CAMKMT: variants seen among roughly 807,000 people sequenced by gnomAD.
CAMKMT encodes calmodulin-lysine N-methyltransferase.
CAMKMT carries 53 observed loss-of-function variants against 48.0 expected under a neutral mutation model. That is an observed-to-expected ratio of 1.10 (90% CI 0.89 to 1.39). The LOEUF is 1.39. Ranked by LOEUF, CAMKMT falls within the 40% of genes most tolerant of loss-of-function variation. CAMKMT has a pLI of 0.00. For missense variants in CAMKMT, 428 were observed against 402.7 expected (o/e 1.06, Z -0.54); for synonymous variants, 165 against 152.3 (o/e 1.08, Z -0.61).
chr2:44,554,613 A>C (rs894073344), intron 3 of CAMKMT, among the ~76,000 whole-genome samples: 2 of 152,120 alleles, frequency 1.3e-5, no homozygotes, highest in Non-Finnish European at 2.9e-5. Context: ...GTACATGCCT[A>C]TAGTCCCAGT....
intron 3 of CAMKMT, among the ~76,000 whole-genome samples, chr2:44,483,028 A>G (rs2603258): frequency 4.6e-5 from 7 of 152,204 alleles, no homozygotes; most frequent in East Asian, 1.9e-4. Context: ...GTGCTGTCCA[A>G]TGGAATCAAC....
chr2:44,647,922 A>G (rs931564141), intron 3 of CAMKMT, among the ~76,000 whole-genome samples: 4 of 150,598 alleles, frequency 2.7e-5, no homozygotes, highest in Non-Finnish European at 5.9e-5. Flanking sequence ...AAAAAAAAAA[A>G]AAAAAAAAAG....
At chr2:44,555,850 T>A (rs1397270901) in intron 3 of CAMKMT, among the ~76,000 whole-genome samples, 1 of 151,952 alleles carries the variant, frequency 6.6e-6, no homozygotes, top group East Asian at 1.9e-4. Flanking sequence ...GAGCTTTTGG[T>A]TAGGATGGGG....
At chr2:44,383,562 G>A (rs540357756) in intron 2 of CAMKMT, among the ~76,000 whole-genome samples, 3 of 152,196 alleles carry the variant, frequency 2.0e-5, no homozygotes, top group Admixed American at 6.5e-5. Flanking sequence ...GTGGTGTTCT[G>A]TGAGATTTTG....
chr2:44,628,722 T>A (rs1558755766), intron 3 of CAMKMT, among the ~76,000 whole-genome samples: 1 of 152,160 alleles, frequency 6.6e-6, no homozygotes, highest in Non-Finnish European at 1.5e-5. Context: ...ATGCTATATT[T>A]TAATTTGGTT....
intron 3 of CAMKMT, among the ~76,000 whole-genome samples, chr2:44,511,367 C>T (rs1670542060): frequency 6.6e-6 from 1 of 152,206 alleles, no homozygotes; most frequent in South Asian, 2.1e-4. Flanking sequence ...CGGCTCACTG[C>T]AACCTCCGCC....
intron 3 of CAMKMT, among the ~76,000 whole-genome samples, chr2:44,445,644 A>AGTTTT (rs758682634): frequency 1.0e-4 from 3 of 29,174 alleles, no homozygotes; most frequent in African/African-American, 2.9e-4. Context: ...GCAAAAGGGT[A>AGTTTT]GTTTTTTTTT....
At chr2:44,501,312 A>G (rs1208900522) in intron 3 of CAMKMT, among the ~76,000 whole-genome samples, 1 of 151,914 alleles carries the variant, frequency 6.6e-6, no homozygotes, top group Non-Finnish European at 1.5e-5. Flanking sequence ...AAGCATTGAC[A>G]CTCTATTGCT....
intron 2 of CAMKMT, among the ~76,000 whole-genome samples, chr2:44,373,222 A>G: frequency 6.6e-6 from 1 of 152,250 alleles, no homozygotes; most frequent in East Asian, 1.9e-4. Flanking sequence ...AAGTGAAAAC[A>G]GAATTTTTCC....
intron 8 of CAMKMT, among the ~76,000 whole-genome samples, chr2:44,753,298 A>G (rs1261509613): frequency 6.7e-6 from 1 of 149,828 alleles, no homozygotes; most frequent in African/African-American, 2.5e-5. Context: ...ATGGTGGTGC[A>G]CAACTGTAGT....
intron 3 of CAMKMT, among the ~76,000 whole-genome samples, chr2:44,688,469 T>A (rs775015231): frequency 1.3e-4 from 19 of 151,842 alleles, no homozygotes; most frequent in Admixed American, 5.3e-4. Flanking sequence ...CCAGCTCTCA[T>A]ACATATATAT....
At chr2:44,626,814 G>A (rs922643708) in intron 3 of CAMKMT, among the ~76,000 whole-genome samples, 1 of 152,124 alleles carries the variant, frequency 6.6e-6, no homozygotes, top group African/African-American at 2.4e-5. Flanking sequence ...ACCATGTCCT[G>A]TATGAATAAA....
intron 3 of CAMKMT, among the ~76,000 whole-genome samples, chr2:44,512,656 T>C (rs1177947692): frequency 1.3e-5 from 2 of 152,246 alleles, no homozygotes; most frequent in Non-Finnish European, 2.9e-5. Flanking sequence ...TTCTTCTCTA[T>C]TGGAAGGCCA....
intron 3 of CAMKMT, among the ~76,000 whole-genome samples, chr2:44,460,521 CT>C (rs1667793113): frequency 6.6e-6 from 1 of 152,022 alleles, no homozygotes; most frequent in Non-Finnish European, 1.5e-5. Flanking sequence ...AGTTCAAATT[CT>C]GTTGAATTCA....
chr2:44,743,441 A>G (rs1295371451), intron 7 of CAMKMT, among the ~76,000 whole-genome samples, 181 bp from the exon 8 acceptor site: 1 of 152,196 alleles, frequency 6.6e-6, no homozygotes, highest in Admixed American at 6.5e-5. Flanking sequence ...CTTCTTCTAG[A>G]TTTGAATACT....
In CAMKMT at chr2:44,528,162, AT is replaced by A. The variant is rs1273288220; in HGVS notation, c.376+137859del. Among the ~76,000 whole-genome samples the A allele has an allele frequency of 7.9e-5, 12 of 152,092 alleles. No homozygotes were observed. In the East Asian group the frequency reaches 2.3e-3, roughly 29 times the overall value. On this transcript the variant is annotated intron_variant, in intron 3 of 10. Transcript: ENST00000378494. The stretch of plus-strand genomic sequence containing the variant: ...ATTTGTCCCTTTCTTTCTTTTGTTG[AT>A]TGTCATAAATATAAGCATTTTTTTT...
chr2:44,430,022 G>C (rs1224962158), intron 3 of CAMKMT, among the ~76,000 whole-genome samples: 1 of 151,958 alleles, frequency 6.6e-6, no homozygotes, highest in Non-Finnish European at 1.5e-5. Context: ...TCTCTATAAA[G>C]ATGAGAGAAT....
At chr2:44,649,795 G>C (rs1673955460) in intron 3 of CAMKMT, among the ~76,000 whole-genome samples, 1 of 152,128 alleles carries the variant, frequency 6.6e-6, no homozygotes, top group African/African-American at 2.4e-5. Flanking sequence ...TTCATTCTTA[G>C]TATCAAGCGG....
rs1409779839 is a variant in CAMKMT at position 44,706,143 on chromosome 2, A to C, written c.438-144A>C. 1.8e-5 allele frequency: 12 copies of C among 664,414 alleles called. No homozygotes were observed. The East Asian group carries it at 3.2e-4, about 18-fold the overall frequency. The allele number at this position is 664,414 out of a possible 1,614,324, so 41.2% of individuals were successfully genotyped here. A position where few individuals can be genotyped will look rare whatever the true frequency, so the allele number is the denominator to read the frequency against. ...AATTATTTTTAAAACGCAAAACGAC[A>C]TGAGGTAGCCTAGTCATGTCTCTAC... On this transcript the variant is annotated intron_variant, in intron 4 of 10. Transcript: ENST00000378494.
Sources: allele counts gnomAD v4.1 joint callset (sites outside exome capture counted in the v4.1 genomes callset), GRCh38; gene constraint gnomAD v4.1.1; transcripts MANE v1.5; gene names NCBI Gene and HGNC (gene_info 2026-07-23, HGNC 2026-07-21).